The following IVNS1ABP variants were observed in gnomAD, a reference collection of about 807,000 sequenced individuals.
The protein encoded by IVNS1ABP is influenza virus NS1A-binding protein.
A neutral mutation model predicts 78.9 loss-of-function variants in IVNS1ABP; 25 were observed. The ratio of observed to expected loss-of-function variants is 0.32; its 90% CI spans 0.23 to 0.44. IVNS1ABP has a LOEUF of 0.44. Ranked by LOEUF, IVNS1ABP falls within the 20% of genes least tolerant of loss-of-function variation. The pLI, the probability that IVNS1ABP is intolerant of heterozygous loss-of-function variation, is 1.00. For missense variants in IVNS1ABP, 494 were observed against 768.9 expected (o/e 0.64, Z 4.23); for synonymous variants, 241 against 259.7 (o/e 0.93, Z 0.69).
rs1433009903 is a variant in IVNS1ABP, at chr1:185,305,228, A to AC, written c.765+307dup. Among the ~76,000 whole-genome samples, 3 of 152,326 alleles carry AC rather than the reference A, an allele frequency of 2.0e-5. No homozygotes were observed. The South Asian group carries it at 6.2e-4, about 32-fold the overall frequency. ...TAAAAAAAACTATCAGTCATGCCTG[A>AC]CACAAACAACTGCTTTTCATAATCT... On this transcript the variant is annotated intron_variant, in intron 8 of 14. Coordinates refer to ENST00000367498, the MANE Select transcript of IVNS1ABP (RefSeq NM_006469.5). The surrounding 1 kb of genome is among the most constrained non-coding windows in gnomAD (Gnocchi z 4.0).
intron 11 of IVNS1ABP, 25 bp from the exon 12 acceptor site, chr1:185,300,368 A>G (rs755982128): frequency 5.6e-6 from 9 of 1,613,284 alleles, no homozygotes; most frequent in Non-Finnish European, 7.6e-6. Flanking sequence ...AGAGATGAGA[A>G]TTTCTAACAT....
chr1:185,301,939 C>T (rs902841694), intron 8 of IVNS1ABP, among the ~76,000 whole-genome samples: 2 of 152,064 alleles, frequency 1.3e-5, no homozygotes, highest in South Asian at 4.1e-4. Context: ...ACAGAGAATA[C>T]ATTTAACCCA....
At chr1:185,303,729 G>A (rs1383327051) in intron 8 of IVNS1ABP, among the ~76,000 whole-genome samples, 1 of 151,976 alleles carries the variant, frequency 6.6e-6, no homozygotes, top group Non-Finnish European at 1.5e-5. Context: ...GCTGGCAATA[G>A]TCTATAAACT....
In IVNS1ABP at chr1:185,307,093, T is replaced by C; in HGVS notation, c.578A>G (p.Lys193Arg). The C allele has an allele frequency of 1.9e-6, 3 of 1,613,452 alleles. No homozygotes were observed. Among genetic ancestry groups the C allele is most frequent in the Non-Finnish European group, 2.5e-6 (3 of 1,179,506 alleles). ...EDNVCLPSNG[K>R]LYTKVINWVQ... ...CCAGTTGATTACCTTTGTATATAAT[T>C]TGCCATTGCTGGGCAAGCAAACATT... is the stretch of plus-strand genomic sequence containing the variant. Residue 193 changes from lysine (K) to arginine (R), a missense_variant, in exon 7 of 15, where the codon AAA (lysine) becomes AGA (arginine). Coordinates refer to ENST00000367498, the MANE Select transcript of IVNS1ABP (RefSeq NM_006469.5).
intron 14 of IVNS1ABP, 102 bp downstream of exon 14, chr1:185,299,608 A>C: frequency 9.3e-7 from 1 of 1,074,084 alleles, no homozygotes; most frequent in Non-Finnish European, 1.4e-6. Context: ...CTGCTTCTGA[A>C]TTCTTAACTG....
rs754528291 is a variant in IVNS1ABP, at chr1:185,314,252, A to G, written c.-247+2701T>C. On this transcript the variant is annotated intron_variant, in intron 1 of 14. Coordinates refer to ENST00000367498, the MANE Select transcript of IVNS1ABP (RefSeq NM_006469.5). ...AAAACTCGCTGAACTCATTCATTCTATCCATGCTCATAGTTTTGTAATTCT... is the reference window on the plus strand; with the variant it reads ...AAAACTCGCTGAACTCATTCATTCTGTCCATGCTCATAGTTTTGTAATTCT... Among the ~76,000 whole-genome samples, 54 of 152,216 alleles carry G rather than the reference A, an allele frequency of 3.5e-4. 1 individual carries two copies. Among genetic ancestry groups the G allele is most frequent in the Admixed American group, 1.7e-3 (26 of 15,288 alleles).
In IVNS1ABP at chr1:185,296,549, A is replaced by C. The variant is rs1033359609; in HGVS notation, c.*1486T>G. The C allele has an allele frequency of 6.6e-6, 1 of 152,140 alleles. No individual in the cohort carries two copies. The highest frequency in any genetic ancestry group is 1.9e-4 in the East Asian group (1 of 5,200). 9.4% of individuals were successfully genotyped at this position (152,140 alleles called of 1,614,324 possible). On this transcript the variant is annotated 3_prime_UTR_variant, in exon 15 of 15. Transcript: ENST00000367498. ...ATAGTTAGGAATTACAGAGTTACCAACCAAACTGATTTGCTTTCCTGGTGG... is the reference window on the plus strand; with the variant it reads ...ATAGTTAGGAATTACAGAGTTACCACCCAAACTGATTTGCTTTCCTGGTGG...
intron 1 of IVNS1ABP, among the ~76,000 whole-genome samples, chr1:185,314,224 A>G (rs148463346): frequency 9.3e-4 from 141 of 152,316 alleles, no homozygotes; most frequent in African/African-American, 3.3e-3. Context: ...ATCCATGTAT[A>G]TGAAAACTCG....
chr1:185,303,800 A>G (rs1665663480), intron 8 of IVNS1ABP, among the ~76,000 whole-genome samples: 1 of 152,128 alleles, frequency 6.6e-6, no homozygotes, highest in African/African-American at 2.4e-5. Context: ...GTCCAAGGCA[A>G]CAATTTTAGA....
rs80222740 is a variant in IVNS1ABP at position 185,298,581 on chromosome 1, C to T, written c.1676-293G>A. 3,902 of 386,604 alleles carry T rather than the reference C, an allele frequency of 0.01. 140 individuals carry two copies. The highest frequency in any genetic ancestry group is 0.079 in the East Asian group (1,527 of 19,318). 23.9% of individuals were successfully genotyped at this position (386,604 alleles called of 1,614,324 possible). A position where few individuals can be genotyped will look rare whatever the true frequency, so the allele number is the denominator to read the frequency against. On this transcript the variant is annotated intron_variant, in intron 14 of 14. Transcript: ENST00000367498. This position sits in a 1 kb window ranked among gnomAD's most constrained non-coding sequence, Gnocchi z 4.1. ...ATTTTCACCAACTCTGTGGTAGTTACTATTATTATTTCAGAGAAGAAGAAA... is the reference window on the plus strand; with the variant it reads ...ATTTTCACCAACTCTGTGGTAGTTATTATTATTATTTCAGAGAAGAAGAAA...
intron 2 of IVNS1ABP, among the ~76,000 whole-genome samples, chr1:185,309,993 A>G (rs1156910310): frequency 6.6e-6 from 1 of 152,146 alleles, no homozygotes; most frequent in Non-Finnish European, 1.5e-5. Context: ...AGGGCCCCCA[A>G]TTTGCTTCTA....
intron 7 of IVNS1ABP, chr1:185,306,379 A>AT (rs918614750): frequency 5.8e-5 from 55 of 940,334 alleles, no homozygotes; most frequent in Middle Eastern, 2.7e-4. Context: ...TATCTTGTGT[A>AT]TTTTTTTTAA....
At chr1:185,312,062 C>CT (rs1665904120) in intron 1 of IVNS1ABP, among the ~76,000 whole-genome samples, 1 of 152,226 alleles carries the variant, frequency 6.6e-6, no homozygotes, top group East Asian at 1.9e-4. Flanking sequence ...CATCTCCTCT[C>CT]TACCAGGACT....
intron 8 of IVNS1ABP, chr1:185,301,796 C>G (rs774529836): frequency 1.2e-5 from 4 of 321,786 alleles, no homozygotes; most frequent in African/African-American, 6.4e-5. Context: ...TAAGAAAAAG[C>G]TCAGTTTTAA....
At chr1:185,303,405 A>G (rs1665651575) in intron 8 of IVNS1ABP, among the ~76,000 whole-genome samples, 1 of 151,964 alleles carries the variant, frequency 6.6e-6, no homozygotes, top group South Asian at 2.1e-4. Flanking sequence ...TTAGATTCTT[A>G]TTGTCCTCTG....
chr1:185,311,106 G>T lies in IVNS1ABP; in HGVS notation c.-30C>A, dbSNP rs548461315. On this transcript the variant is annotated 5_prime_UTR_variant, in exon 2 of 15. Coordinates refer to ENST00000367498, the MANE Select transcript of IVNS1ABP (RefSeq NM_006469.5). ...GAACATTCACTTACCTACTCTGTTGGTGGCAAATGTATTTCTGGGAACTCT... is the reference window on the plus strand; with the variant it reads ...GAACATTCACTTACCTACTCTGTTGTTGGCAAATGTATTTCTGGGAACTCT... 2.7e-5 allele frequency: 10 copies of T among 370,096 alleles called. No homozygotes were observed. The South Asian group carries it at 1.5e-3, about 55-fold the overall frequency. 22.9% of individuals were successfully genotyped at this position (370,096 alleles called of 1,614,324 possible).
intron 1 of IVNS1ABP, among the ~76,000 whole-genome samples, chr1:185,312,808 CA>C (rs1665921722): frequency 6.6e-6 from 1 of 152,124 alleles, no homozygotes; most frequent in African/African-American, 2.4e-5. Context: ...AAGAAACCTT[CA>C]AACATTTTCA....
At chr1:185,301,821 T>C in intron 8 of IVNS1ABP, 1 of 261,632 alleles carries the variant, frequency 3.8e-6, no homozygotes, top group African/African-American at 2.2e-5. Flanking sequence ...TTGAAAAACA[T>C]GTTGCAAATC....
intron 13 of IVNS1ABP, 47 bp downstream of exon 13, chr1:185,299,952 T>A: frequency 1.2e-6 from 2 of 1,610,206 alleles, no homozygotes; most frequent in Non-Finnish European, 1.7e-6. Flanking sequence ...ACACATACTG[T>A]TGATTTGAAG....
Sources: gnomAD v4.1 joint callset for allele counts (sites outside exome capture counted in the v4.1 genomes callset) on GRCh38, gnomAD v4.1.1 for gene constraint, Gnocchi (gnomAD v3.1) non-coding constraint, MANE v1.5 for transcripts, NCBI Gene and HGNC (gene_info 2026-07-23, HGNC 2026-07-21) for gene names.